ARHGAP24: variants seen among roughly 807,000 people sequenced by gnomAD.
The protein encoded by ARHGAP24 is Rho GTPase activating protein 24, also known as rho GTPase-activating protein 24.
In ARHGAP24, 50 loss-of-function variants were observed where a neutral mutation model predicts 76.4. The observed-to-expected ratio is 0.65, with a 90% CI of 0.52 to 0.83. The LOEUF (loss-of-function observed/expected upper bound fraction) is 0.83, where lower values mean the gene tolerates loss of function less well. ARHGAP24 is among the 40% of genes least tolerant of loss of function. The pLI is 0.00. For missense variants in ARHGAP24, 930 were observed against 914.2 expected (o/e 1.02, Z -0.22); for synonymous variants, 345 against 323.3 (o/e 1.07, Z -0.72).
chr4:85,708,652 T>C (rs1467279660), intron 2 of ARHGAP24, among the ~76,000 whole-genome samples: 1 of 152,144 alleles, frequency 6.6e-6, no homozygotes, highest in Non-Finnish European at 1.5e-5. Context: ...TGCAATTCAG[T>C]TGGAAAGGAG....
chr4:85,581,158 T>C (rs1354019732), intron 2 of ARHGAP24, among the ~76,000 whole-genome samples: 1 of 152,148 alleles, frequency 6.6e-6, no homozygotes, highest in Non-Finnish European at 1.5e-5. Flanking sequence ...TACCTTGCCA[T>C]ATACACAAAT....
At chr4:85,796,658 A>G (rs1343543199) in intron 3 of ARHGAP24, among the ~76,000 whole-genome samples, 1 of 152,170 alleles carries the variant, frequency 6.6e-6, no homozygotes, top group African/African-American at 2.4e-5. Flanking sequence ...GGATTGGCTA[A>G]TAAGTAAAAA....
chr4:85,676,261 G>C (rs749442280), intron 2 of ARHGAP24, among the ~76,000 whole-genome samples: 1 of 152,138 alleles, frequency 6.6e-6, no homozygotes, highest in Non-Finnish European at 1.5e-5. Flanking sequence ...CCTGCCACCT[G>C]TTTAAGCTTT....
chr4:85,698,306 G>A (rs1314119609), intron 2 of ARHGAP24, among the ~76,000 whole-genome samples: 2 of 152,170 alleles, frequency 1.3e-5, no homozygotes, highest in Admixed American at 6.5e-5. Flanking sequence ...TGCCTGGGGA[G>A]GAAAGAGTGG....
chr4:85,640,494 T>C (rs1721482401), intron 2 of ARHGAP24, among the ~76,000 whole-genome samples: 2 of 152,188 alleles, frequency 1.3e-5, no homozygotes. Context: ...CATAGCTAAA[T>C]AATACCTACA....
chr4:85,545,088 C>T (rs1302227781), intron 1 of ARHGAP24, among the ~76,000 whole-genome samples: 1 of 147,820 alleles, frequency 6.8e-6, no homozygotes, highest in African/African-American at 2.7e-5. Flanking sequence ...CAGTGCTCTA[C>T]AGTTTCTTTT....
At chr4:85,727,370 T>G (rs922585550) in intron 3 of ARHGAP24, among the ~76,000 whole-genome samples, 4 of 152,230 alleles carry the variant, frequency 2.6e-5, no homozygotes, top group African/African-American at 9.6e-5. Flanking sequence ...GGCATTTTTG[T>G]TTTTTAGCAC....
chr4:85,760,039 AC>A (rs1358971452), intron 3 of ARHGAP24, among the ~76,000 whole-genome samples: 1 of 143,190 alleles, frequency 7.0e-6, no homozygotes, highest in Non-Finnish European at 1.6e-5. Flanking sequence ...AATCAAATGA[AC>A]TTTTTTTCCT....
intron 3 of ARHGAP24, among the ~76,000 whole-genome samples, chr4:85,906,730 TA>T (rs1360090078): frequency 3.3e-5 from 5 of 152,164 alleles, no homozygotes; most frequent in Non-Finnish European, 5.9e-5. Context: ...TAAATAATCA[TA>T]AGTTTGGGCA....
intron 3 of ARHGAP24, among the ~76,000 whole-genome samples, chr4:85,843,733 T>G (rs1213107139): frequency 6.6e-6 from 1 of 152,076 alleles, no homozygotes; most frequent in Admixed American, 6.6e-5. Context: ...AGCCACCTAT[T>G]TATTTACAGA....
intron 3 of ARHGAP24, among the ~76,000 whole-genome samples, chr4:85,783,034 A>G (rs1727637071): frequency 6.6e-6 from 1 of 152,212 alleles, no homozygotes; most frequent in Admixed American, 6.5e-5. Context: ...TCATTAAGCA[A>G]AGCCATTTAA....
chr4:85,973,837 T>TTTTG (rs1560757266), intron 6 of ARHGAP24, among the ~76,000 whole-genome samples: 4 of 79,584 alleles, frequency 5.0e-5, no homozygotes, highest in African/African-American at 2.0e-4. Context: ...CCTATTGTTT[T>TTTTG]TTTTTTTTTT....
At chr4:85,859,888 C>T (rs1484005002) in intron 3 of ARHGAP24, among the ~76,000 whole-genome samples, 1 of 151,946 alleles carries the variant, frequency 6.6e-6, no homozygotes, top group Non-Finnish European at 1.5e-5. Flanking sequence ...TTGTTCTTTA[C>T]CACTGTCTCA....
At chr4:85,590,411 G>A (rs1728045907) in intron 2 of ARHGAP24, among the ~76,000 whole-genome samples, 2 of 151,702 alleles carry the variant, frequency 1.3e-5, no homozygotes, top group African/African-American at 4.9e-5. Flanking sequence ...CCAGGCTGGA[G>A]TGCAGTGGTG....
At chr4:85,931,176 C>T (rs914217162) in intron 4 of ARHGAP24, 12 of 874,522 alleles carry the variant, frequency 1.4e-5, no homozygotes, top group Middle Eastern at 7.3e-4. Flanking sequence ...GTGATTTGTG[C>T]GTATCCTTGC....
chr4:85,668,748 G>A (rs905476289), intron 2 of ARHGAP24, among the ~76,000 whole-genome samples: 7 of 152,178 alleles, frequency 4.6e-5, no homozygotes, highest in African/African-American at 9.7e-5. Flanking sequence ...TCCAATCCAC[G>A]TTAAAGAGTT....
chr4:85,624,766 A>G (rs1270284513), intron 2 of ARHGAP24, among the ~76,000 whole-genome samples: 1 of 152,134 alleles, frequency 6.6e-6, no homozygotes, highest in Non-Finnish European at 1.5e-5. Context: ...TTATTGGTCT[A>G]TTCAGGGATT....
chr4:85,912,933 A>G (rs796153916), intron 3 of ARHGAP24, among the ~76,000 whole-genome samples: 8 of 152,182 alleles, frequency 5.3e-5, no homozygotes, highest in African/African-American at 1.7e-4. Flanking sequence ...AAGCGATTAT[A>G]TGGATTGTCG....
chr4:85,968,895 A>T (rs890902325), intron 5 of ARHGAP24, among the ~76,000 whole-genome samples: 3 of 152,146 alleles, frequency 2.0e-5, no homozygotes, highest in African/African-American at 7.2e-5. Flanking sequence ...AAAAATATAT[A>T]TATAATTGTT....
Sources: gnomAD v4.1 joint callset for allele counts (sites outside exome capture counted in the v4.1 genomes callset) on GRCh38, gnomAD v4.1.1 for gene constraint, MANE v1.5 for transcripts, NCBI Gene and HGNC (gene_info 2026-07-23, HGNC 2026-07-21) for gene names.